NUMA1: variants seen among roughly 807,000 people sequenced by gnomAD.
The protein encoded by NUMA1 is SP-H antigen.
In NUMA1, 62 loss-of-function variants were observed where a neutral mutation model predicts 237.1. The observed-to-expected ratio is 0.26, with a 90% CI of 0.21 to 0.32. The LOEUF (loss-of-function observed/expected upper bound fraction) is 0.32, where lower values mean the gene tolerates loss of function less well. NUMA1 is among the 10% of genes least tolerant of loss of function. NUMA1 has a pLI of 1.00. For synonymous variants in NUMA1, 1,028 were observed against 1,066.1 expected (o/e 0.96, Z 0.70); for missense variants, 2,533 against 2,666.5 (o/e 0.95, Z 1.10).
chr11:72,012,873 G>C (rs765153069), intron 15 of NUMA1, 22 bp downstream of exon 15: 9 of 1,606,874 alleles, frequency 5.6e-6, no homozygotes, highest in Non-Finnish European at 7.7e-6. Context: ...CTTTGGGAGG[G>C]TGGTTGGGCT....
rs766219071 is a variant in NUMA1 at position 72,014,910 on chromosome 11, G to A, written c.2593C>T (p.Leu865Phe). 1.9e-6 allele frequency: 3 copies of A among 1,614,206 alleles called. No homozygotes were observed. ...TCGTTCTGCTGCCGGCTTATCTGGA[G>A]CTCGCTGTGGGATTCTATGCCTGCC... ...KVAGIESHSE[L>F]QISRQQNELA... is the part of the protein sequence containing the mutation. The change falls in exon 15 of 27, where the codon CTC becomes TTC. Residue 865 changes from leucine (L) to phenylalanine (F), a missense_variant. This residue lies in a region of NUMA1 where 1,414 missense variants were observed against 1,508.1 expected (regional missense o/e 0.94). Coordinates refer to ENST00000393695, the MANE Select transcript of NUMA1 (RefSeq NM_006185.4). This position sits in a 1 kb window ranked among gnomAD's most constrained non-coding sequence, Gnocchi z 4.6.
At chr11:72,076,172 G>A (rs1943697966) in intron 1 of NUMA1, among the ~76,000 whole-genome samples, 1 of 151,160 alleles carries the variant, frequency 6.6e-6, no homozygotes, top group Non-Finnish European at 1.5e-5. Flanking sequence ...CCAGGAGTTC[G>A]AGACCAGCCC....
At chr11:72,031,103 A>T (rs924837082) in intron 3 of NUMA1, among the ~76,000 whole-genome samples, 3 of 152,044 alleles carry the variant, frequency 2.0e-5, no homozygotes, top group Non-Finnish European at 1.5e-5. Flanking sequence ...CACCCTGGGC[A>T]ACATAACAAT....
At chr11:72,017,136 C>G (rs1442155214) in intron 13 of NUMA1, 1 of 169,774 alleles carries the variant, frequency 5.9e-6, no homozygotes, top group Non-Finnish European at 1.3e-5. Flanking sequence ...GCATGCATCA[C>G]CACACCCAGC....
intron 1 of NUMA1, among the ~76,000 whole-genome samples, chr11:72,079,083 G>C (rs1943865888): frequency 6.6e-6 from 1 of 152,186 alleles, no homozygotes; most frequent in Non-Finnish European, 1.5e-5. Flanking sequence ...GCCACTAAAT[G>C]AAAACGGGAA....
In NUMA1 at chr11:72,004,003, A is replaced by G. The variant is rs777274585; in HGVS notation, c.6220T>C (p.Ser2074Pro). 12 of 1,613,308 alleles carry G rather than the reference A, an allele frequency of 7.4e-6. No homozygotes were observed. The highest frequency in any genetic ancestry group is 1.0e-5 in the Non-Finnish European group (12 of 1,179,700). Reference protein sequence around the residue: ...LRRGASKKALSKASPNTRSGT... With the variant: ...LRRGASKKALPKASPNTRSGT... ...CTGCGAGTGTTGGGGGAAGCCTTGG[A>G]CAGGGCCTTCTTTGAGGCTCCCCGC... The change falls in exon 26 of 27, where the codon TCC (serine) becomes CCC (proline). Residue 2074 changes from serine (S) to proline (P), a missense_variant. Ser to Pro is a moderately conservative substitution (Grantham distance 74, BLOSUM62 -1). Transcript: ENST00000393695.
intron 2 of NUMA1, among the ~76,000 whole-genome samples, chr11:72,063,256 A>C (rs1943036481): frequency 6.6e-6 from 1 of 151,366 alleles, no homozygotes; most frequent in Non-Finnish European, 1.5e-5. Flanking sequence ...GGTGGTGCAC[A>C]CCTGTGGTCC....
intron 7 of NUMA1, 37 bp from the exon 8 acceptor site, chr11:72,021,328 T>G: frequency 4.4e-6 from 7 of 1,589,316 alleles, no homozygotes; most frequent in Non-Finnish European, 4.3e-6. Flanking sequence ...CACTTAGGTG[T>G]TAGGCCTCTG....
chr11:72,043,855 T>A (rs1011098271), intron 2 of NUMA1, among the ~76,000 whole-genome samples: 2 of 152,120 alleles, frequency 1.3e-5, no homozygotes, highest in East Asian at 3.8e-4. Context: ...GGTGGGAGAA[T>A]TCCTTGAACT....
At chr11:72,072,829 C>G (rs563770373) in intron 1 of NUMA1, among the ~76,000 whole-genome samples, 2 of 151,438 alleles carry the variant, frequency 1.3e-5, no homozygotes, top group East Asian at 1.9e-4. Flanking sequence ...CCAAGGCGGG[C>G]GGATCACACT....
At chr11:72,038,798 C>T (rs1194720204) in intron 2 of NUMA1, among the ~76,000 whole-genome samples, 3 of 151,930 alleles carry the variant, frequency 2.0e-5, no homozygotes, top group Non-Finnish European at 2.9e-5. Context: ...CCCCCACAAC[C>T]CTCACTCAAT....
chr11:72,009,427 T>C, intron 17 of NUMA1, 40 bp from the exon 18 acceptor site: 1 of 1,556,174 alleles, frequency 6.4e-7, no homozygotes, highest in Non-Finnish European at 8.6e-7. Context: ...GTCTGGCCGC[T>C]CTACCCAAGT....
At position 72,015,101 on chromosome 11, in the gene NUMA1, C is replaced by G; in HGVS notation, c.2402G>C (p.Ser801Thr). The G allele has an allele frequency of 6.2e-7, 1 of 1,613,862 alleles. No homozygotes were observed. Among genetic ancestry groups the G allele is most frequent in the Non-Finnish European group, 8.5e-7 (1 of 1,180,046 alleles). The change falls in exon 15 of 27, where the codon AGT becomes ACT. Residue 801 changes from serine (S) to threonine (T), a missense_variant. Ser to Thr is a moderately conservative substitution (Grantham distance 58). Transcript: ENST00000393695. The surrounding 1 kb of genome is among the most constrained non-coding windows in gnomAD (Gnocchi z 4.0). The part of the protein sequence containing the change: ...EAMAAQHTAE[S>T]ECEQLVKEVA... Reference sequence around the variant, plus strand: ...TTCTTTGACGAGCTGCTCACACTCACTCTCAGCTGTGTGCTGGGCAGCCAT... The same window carrying G: ...TTCTTTGACGAGCTGCTCACACTCAGTCTCAGCTGTGTGCTGGGCAGCCAT...
intron 16 of NUMA1, among the ~76,000 whole-genome samples, chr11:72,011,604 C>T (rs569741358): frequency 7.9e-5 from 12 of 152,212 alleles, no homozygotes; most frequent in African/African-American, 2.9e-4. Context: ...GATTGTCCCC[C>T]ACTATCACAG....
At chr11:72,021,744 C>G (rs1573500) in intron 7 of NUMA1, among the ~76,000 whole-genome samples, 123,317 of 152,158 alleles carry the variant, frequency 0.81, 52,070 homozygotes, top group Non-Finnish European at 0.94. Flanking sequence ...GCTAGAACTA[C>G]AGACACACAC....
At chr11:72,035,477 G>A (rs955299430) in intron 3 of NUMA1, among the ~76,000 whole-genome samples, 5 of 149,444 alleles carry the variant, frequency 3.3e-5, no homozygotes, top group Admixed American at 6.7e-5. Flanking sequence ...GTGTGATCTC[G>A]GCTCACAGCA....
rs1331831613 is a variant in NUMA1, at chr11:72,016,104, G to A, written c.1399C>T (p.Leu467=). Residue 467 remains leucine, a synonymous_variant, in exon 15 of 27, where the codon CTG becomes TTG. Transcript: ENST00000393695. ...ATGGAGCTCTGCAGGTCAGTGATCAGGCTAGACAGCTGCTGCTTTTCTTCT... is the reference window on the plus strand; with the variant it reads ...ATGGAGCTCTGCAGGTCAGTGATCAAGCTAGACAGCTGCTGCTTTTCTTCT... The part of the protein sequence containing the change: ...FEEEKQQLSS[L]ITDLQSSISN... The A allele has an allele frequency of 3.1e-6, 5 of 1,614,052 alleles. No homozygotes were observed. In the African/African-American group the frequency reaches 5.3e-5, roughly 17 times the overall value.
At position 72,060,598 on chromosome 11, in the gene NUMA1, G is replaced by T. The variant is rs747417539; in HGVS notation, c.-33+9244C>A. ...GCCAAGGCCGTGGTGAACTGCCATT[G>T]TGCCACCACATTCCAGCCTGGAAGA... is the stretch of plus-strand genomic sequence containing the variant. On this transcript the variant is annotated intron_variant, in intron 2 of 26. Transcript: ENST00000393695. Among the ~76,000 whole-genome samples the T allele has an allele frequency of 3.1e-4, 47 of 152,142 alleles. 1 individual carries two copies. Among genetic ancestry groups the T allele is most frequent in the Non-Finnish European group, 2.1e-4 (14 of 68,006 alleles).
At chr11:72,076,176 C>G (rs141624535) in intron 1 of NUMA1, among the ~76,000 whole-genome samples, 1 of 149,962 alleles carries the variant, frequency 6.7e-6, no homozygotes, top group South Asian at 2.1e-4. Context: ...GAGTTCGAGA[C>G]CAGCCCGGGC....
Sources: gnomAD v4.1 joint callset for allele counts (sites outside exome capture counted in the v4.1 genomes callset) on GRCh38, gnomAD v4.1.1 for gene constraint, gnomAD v4.1.1 regional missense constraint, Gnocchi (gnomAD v3.1) non-coding constraint, MANE v1.5 for transcripts, NCBI Gene and HGNC (gene_info 2026-07-23, HGNC 2026-07-21) for gene names.